PPP1R13B: variants seen among roughly 807,000 people sequenced by gnomAD.
The protein encoded by PPP1R13B is apoptosis-stimulating of p53 protein 1.
PPP1R13B carries 44 observed loss-of-function variants against 119.8 expected under a neutral mutation model. The observed-to-expected ratio is 0.37, with a 90% CI of 0.29 to 0.47. The LOEUF (loss-of-function observed/expected upper bound fraction) is 0.47. PPP1R13B is among the 20% of genes least tolerant of loss of function. The pLI, the probability that PPP1R13B is intolerant of heterozygous loss-of-function variation, is 0.99. For synonymous variants in PPP1R13B, 542 were observed against 561.5 expected, an observed-to-expected ratio of 0.97 and a Z score of 0.49; for missense variants, 1,227 against 1,413.5, an observed-to-expected ratio of 0.87 and a Z score of 2.12.
At chr14:103,809,225 C>T (rs1329888788) in intron 1 of PPP1R13B, among the ~76,000 whole-genome samples, 1 of 152,120 alleles carries the variant, frequency 6.6e-6, no homozygotes, top group Non-Finnish European at 1.5e-5. Context: ...TCTCAATAAC[C>T]TTATCAATTC....
intron 1 of PPP1R13B, among the ~76,000 whole-genome samples, chr14:103,838,671 G>A (rs796550181): frequency 1.3e-5 from 2 of 152,238 alleles, no homozygotes; most frequent in African/African-American, 2.4e-5. Context: ...AGGCAGAGAC[G>A]GTGAAAACTT....
At chr14:103,739,249 TCACGCACAGAGGGACA>T in intron 12 of PPP1R13B, 1 of 546,404 alleles carries the variant, frequency 1.8e-6, no homozygotes. Flanking sequence ...AGTCCCTGGC[TCACGCACAGAGGGACA>T]CGGCTGTGTT....
Position 103,746,291 on chromosome 14 carries a change from T to TGGGGGGGGGGGGGGGGGGGGGGGGG in PPP1R13B, c.1150+81_1150+82insCCCCCCCCCCCCCCCCCCCCCCCCC. 35 of 272,100 alleles carry TGGGGGGGGGGGGGGGGGGGGGGGGG rather than the reference T, an allele frequency of 1.3e-4. 9 individuals are homozygous for TGGGGGGGGGGGGGGGGGGGGGGGGG. Among genetic ancestry groups the TGGGGGGGGGGGGGGGGGGGGGGGGG allele is most frequent in the Non-Finnish European group, 2.5e-4 (34 of 133,690 alleles). 16.9% of individuals were successfully genotyped at this position (272,100 alleles called of 1,614,324 possible). On this transcript the variant is annotated intron_variant, in intron 9 of 16. Transcript: ENST00000202556. ...TGTGTGGGGCAGAGCCTCAGGAGCC[T>TGGGGGGGGGGGGGGGGGGGGGGGGG]GCCCCACCCCCCGCCCCTCCACCGC... is the stretch of plus-strand genomic sequence containing the variant.
At chr14:103,736,237 AG>A in intron 15 of PPP1R13B, 35 bp from the exon 16 acceptor site, 1 of 1,599,192 alleles carries the variant, frequency 6.3e-7, no homozygotes. Context: ...GCCTCAGCAG[AG>A]GGTGGCCTGC....
chr14:103,816,456 G>T (rs2086282539), intron 1 of PPP1R13B, among the ~76,000 whole-genome samples: 1 of 151,666 alleles, frequency 6.6e-6, no homozygotes, highest in African/African-American at 2.4e-5. Flanking sequence ...GGAGGCCAAG[G>T]CGGGCGGATC....
chr14:103,741,550 C>T (rs1261075789), intron 11 of PPP1R13B, among the ~76,000 whole-genome samples: 2 of 152,186 alleles, frequency 1.3e-5, no homozygotes, highest in Non-Finnish European at 2.9e-5. Flanking sequence ...AAGTAGCACA[C>T]GGAGGTGGCT....
At chr14:103,741,364 C>T (rs952562387) in intron 11 of PPP1R13B, among the ~76,000 whole-genome samples, 3 of 152,192 alleles carry the variant, frequency 2.0e-5, no homozygotes, top group African/African-American at 7.2e-5. Flanking sequence ...GGCTCCTACG[C>T]AGCAGACGCC....
intron 7 of PPP1R13B, 65 bp from the exon 8 acceptor site, chr14:103,749,999 G>A: frequency 6.4e-7 from 1 of 1,553,560 alleles, no homozygotes; most frequent in Non-Finnish European, 8.7e-7. Flanking sequence ...TCATTGCCAG[G>A]GAGATTAAAA....
chr14:103,735,025 G>A lies in PPP1R13B; in HGVS notation c.*129C>T. The stretch of plus-strand genomic sequence containing the variant: ...CTGGAAACTGTAGGATTCACATTGT[G>A]GACGCTGTCTGCTAAAGTGAGCACC... On this transcript the variant is annotated 3_prime_UTR_variant, in exon 17 of 17. Coordinates refer to ENST00000202556, the MANE Select transcript of PPP1R13B (RefSeq NM_015316.3). 9.9e-7 allele frequency: 1 copy of A among 1,013,054 alleles called. No homozygotes were observed. The highest frequency in any genetic ancestry group is 1.5e-6 in the Non-Finnish European group (1 of 652,112). The allele number at this position is 1,013,054 out of a possible 1,614,324, so 62.8% of individuals were successfully genotyped here.
intron 5 of PPP1R13B, 68 bp downstream of exon 5, chr14:103,757,582 C>A: frequency 7.2e-7 from 1 of 1,388,368 alleles, no homozygotes; most frequent in Admixed American, 1.7e-5. Context: ...ATATTAACCC[C>A]AGTCTAAAAT....
chr14:103,783,398 T>C lies in PPP1R13B; in HGVS notation c.277+1397A>G, dbSNP rs566662918. Among the ~76,000 whole-genome samples, 9 of 152,058 alleles carry C rather than the reference T, an allele frequency of 5.9e-5. No individual in the cohort carries two copies. In the South Asian group the frequency reaches 1.9e-3, roughly 32 times the overall value. ...CCTCAGCCTCCTGAGTAGCTGGGAT[T>C]ATAGGCGCACACCACCACATCGGGC... On this transcript the variant is annotated intron_variant, in intron 3 of 16. Coordinates refer to ENST00000202556, the MANE Select transcript of PPP1R13B (RefSeq NM_015316.3).
At chr14:103,814,801 C>T (rs2086240034) in intron 1 of PPP1R13B, among the ~76,000 whole-genome samples, 1 of 151,968 alleles carries the variant, frequency 6.6e-6, no homozygotes, top group East Asian at 1.9e-4. Flanking sequence ...AAAAATTAGC[C>T]GGGCATGGTG....
chr14:103,775,567 G>A (rs74086586), intron 4 of PPP1R13B, among the ~76,000 whole-genome samples: 3,836 of 152,214 alleles, frequency 0.025, 138 homozygotes, highest in African/African-American at 0.079. Flanking sequence ...TAGCCACCGC[G>A]CCCGTCCCAT....
rs532426705 is a variant in PPP1R13B at position 103,740,921 on chromosome 14, C to T, written c.1823-328G>A. Among the ~76,000 whole-genome samples, 7 of 152,346 alleles carry T rather than the reference C, an allele frequency of 4.6e-5. No homozygotes were observed. The highest frequency in any genetic ancestry group is 1.7e-4 in the African/African-American group (7 of 41,590). Reference sequence around the variant, plus strand: ...CCTGTTTTCTGGCCAAGGAAAAAGACAAAAACCACTAAACATGCATCTGAT... The same window carrying T: ...CCTGTTTTCTGGCCAAGGAAAAAGATAAAAACCACTAAACATGCATCTGAT... On this transcript the variant is annotated intron_variant, in intron 11 of 16. Transcript: ENST00000202556. This position sits in a 1 kb window ranked among gnomAD's most constrained non-coding sequence, Gnocchi z 4.6.
chr14:103,807,510 T>G (rs1734879104), intron 1 of PPP1R13B, among the ~76,000 whole-genome samples: 1 of 152,190 alleles, frequency 6.6e-6, no homozygotes, highest in African/African-American at 2.4e-5. Flanking sequence ...GTCCCTTTTT[T>G]TTGAGACAGA....
chr14:103,739,553 C>T (rs957274098), intron 12 of PPP1R13B, among the ~76,000 whole-genome samples: 1 of 152,214 alleles, frequency 6.6e-6, no homozygotes, highest in Non-Finnish European at 1.5e-5. Context: ...AGCGACAGCT[C>T]CCCTTCCTCA....
intron 2 of PPP1R13B, among the ~76,000 whole-genome samples, chr14:103,793,606 C>CCT (rs1250819852): frequency 1.3e-5 from 2 of 152,002 alleles, no homozygotes; most frequent in Non-Finnish European, 2.9e-5. Context: ...GACTAACTAC[C>CCT]CTATACATAT....
intron 1 of PPP1R13B, among the ~76,000 whole-genome samples, chr14:103,845,870 T>C (rs947990989): frequency 2.0e-5 from 3 of 152,218 alleles, no homozygotes; most frequent in Admixed American, 6.5e-5. Context: ...AAGTTAGAAA[T>C]TGAAAATTCA....
intron 1 of PPP1R13B, among the ~76,000 whole-genome samples, chr14:103,812,045 G>A (rs1441774463): frequency 9.6e-6 from 1 of 103,674 alleles, no homozygotes; most frequent in African/African-American, 3.8e-5. Context: ...GGGCGACAGA[G>A]CCAGACTCCC....
Sources: gnomAD v4.1 joint callset for allele counts (sites outside exome capture counted in the v4.1 genomes callset) on GRCh38, gnomAD v4.1.1 for gene constraint, Gnocchi (gnomAD v3.1) non-coding constraint, MANE v1.5 for transcripts, NCBI Gene and HGNC (gene_info 2026-07-23, HGNC 2026-07-21) for gene names.